Variants in TRIO observed in about 807,000 individuals in gnomAD.
The protein encoded by TRIO is trio Rho guanine nucleotide exchange factor, also known as triple functional domain protein.
A neutral mutation model predicts 351.9 loss-of-function variants in TRIO; 58 were observed. The observed-to-expected ratio is 0.16, with a 90% CI of 0.13 to 0.21. The LOEUF (loss-of-function observed/expected upper bound fraction) is 0.21, where lower values mean the gene tolerates loss of function less well. TRIO is among the 10% of genes least tolerant of loss of function. The pLI, the probability that TRIO is intolerant of heterozygous loss-of-function variation, is 1.00. For missense variants in TRIO, 3,201 were observed against 4,027.8 expected (o/e 0.79, Z 5.56); for synonymous variants, 1,758 against 1,595.7 (o/e 1.10, Z -2.42).
At chr5:14,414,225 G>A (rs1482485611) in intron 33 of TRIO, among the ~76,000 whole-genome samples, 6 of 152,198 alleles carry the variant, frequency 3.9e-5, no homozygotes, top group East Asian at 1.9e-4. Context: ...CCACAGGGCC[G>A]CCTGTGGGGC....
At position 14,366,882 on chromosome 5, in the gene TRIO, G is replaced by A; in HGVS notation, c.2777G>A (p.Gly926Glu). 6.2e-7 allele frequency: 1 copy of A among 1,614,182 alleles called. No homozygotes were observed. Among genetic ancestry groups the A allele is most frequent in the Non-Finnish European group, 8.5e-7 (1 of 1,180,034 alleles). Residue 926 changes from glycine to glutamate, a missense_variant, in exon 16 of 57, where the codon GGA becomes GAA. By Grantham distance (98) the Gly-to-Glu change is moderately conservative. Transcript: ENST00000344204. ...CAGGTGCTGGGTTGGATCCGCAACGGAGAGTCCATGTTAAATGCCGGACTT... is the reference window on the plus strand; with the variant it reads ...CAGGTGCTGGGTTGGATCCGCAACGAAGAGTCCATGTTAAATGCCGGACTT... ...VKQVLGWIRNGESMLNAGLIT... is the reference protein window; with the variant it reads ...VKQVLGWIRNEESMLNAGLIT...
Position 14,481,579 on chromosome 5 carries a change from C to T in TRIO, c.6426C>T (p.Cys2142=). 6.2e-7 allele frequency: 1 copy of T among 1,614,060 alleles called. No homozygotes were observed. The highest frequency in any genetic ancestry group is 2.2e-5 in the East Asian group (1 of 44,872). Residue 2142 remains cysteine, a synonymous_variant, in exon 45 of 57, where the codon TGC becomes TGT. Coordinates refer to ENST00000344204, the MANE Select transcript of TRIO (RefSeq NM_007118.4). ...VEVMCIVPRR[C]NDMMNVGRLQ... Reference sequence around the variant, plus strand: ...TCATGTGCATAGTACCCAGGCGGTGCAACGACATGATGAACGTGGGGCGGC... The same window carrying T: ...TCATGTGCATAGTACCCAGGCGGTGTAACGACATGATGAACGTGGGGCGGC...
Position 14,497,076 on chromosome 5 carries a change from AG to A in TRIO, c.8019+62del. On this transcript the variant is annotated intron_variant, in intron 50 of 56. Coordinates refer to ENST00000344204, the MANE Select transcript of TRIO (RefSeq NM_007118.4). This position sits in a 1 kb window ranked among gnomAD's most constrained non-coding sequence, Gnocchi z 4.4. ...CCCAGCATGAGAGAAAGGATCAGGG[AG>A]GGCAGAGACTCTGCAGACCTGAAGC... 1 of 1,598,574 alleles carries A rather than the reference AG, an allele frequency of 6.3e-7. No homozygotes were observed. The highest frequency in any genetic ancestry group is 8.5e-7 in the Non-Finnish European group (1 of 1,171,594).
Position 14,366,934 on chromosome 5 carries a change from A to G in TRIO, c.2829A>G (p.Ala943=), listed in dbSNP as rs757853440. The G allele has an allele frequency of 8.7e-6, 14 of 1,614,202 alleles. No individual in the cohort carries two copies. In the African/African-American group the frequency reaches 1.9e-4, roughly 22 times the overall value. Residue 943 remains alanine, a synonymous_variant, in exon 16 of 57, where the codon GCA becomes GCG. Coordinates refer to ENST00000344204, the MANE Select transcript of TRIO (RefSeq NM_007118.4). The part of the protein sequence containing the change: ...GLITASSLQE[A]EQLQREHEQF... ...TCACAGCCAGCTCGTTACAAGAGGC[A>G]GAGCAGCTCCAGCGAGAGCACGAGC...
intron 1 of TRIO, among the ~76,000 whole-genome samples, chr5:14,242,860 T>G (rs977127316): frequency 6.6e-6 from 1 of 152,248 alleles, no homozygotes; most frequent in Non-Finnish European, 1.5e-5. Flanking sequence ...CACTCTACTC[T>G]GCATTGTTGG....
At chr5:14,152,557 A>T (rs939662362) in intron 1 of TRIO, among the ~76,000 whole-genome samples, 1 of 152,120 alleles carries the variant, frequency 6.6e-6, no homozygotes, top group African/African-American at 2.4e-5. Context: ...TTTCTAGTAG[A>T]GACGGGGTTT....
chr5:14,290,942 T>C lies in TRIO; in HGVS notation c.767T>C (p.Met256Thr), dbSNP rs764588376. 2.5e-5 allele frequency: 40 copies of C among 1,614,066 alleles called. No homozygotes were observed. Among genetic ancestry groups the C allele is most frequent in the Non-Finnish European group, 3.2e-5 (38 of 1,180,044 alleles). The change falls in exon 5 of 57, where the codon ATG (methionine) becomes ACG (threonine). Residue 256 changes from methionine to threonine, a missense_variant. Physicochemically the swap from Met to Thr is moderately conservative, Grantham distance 81. Coordinates refer to ENST00000344204, the MANE Select transcript of TRIO (RefSeq NM_007118.4). ...LPQDLEGARNMIEEHSQLKKK... is the reference protein window; with the variant it reads ...LPQDLEGARNTIEEHSQLKKK... ...CAGGATTTAGAGGGGGCTCGGAATA[T>C]GATCGAGGAACATTCTCAGCTGAAG...
At chr5:14,436,708 C>A (rs1329852189) in intron 34 of TRIO, among the ~76,000 whole-genome samples, 1 of 152,200 alleles carries the variant, frequency 6.6e-6, no homozygotes, top group Non-Finnish European at 1.5e-5. Context: ...GGGCTACAGA[C>A]CCCATGCAAG....
In TRIO at chr5:14,461,170, C is replaced by G; in HGVS notation, c.5355C>G (p.Ser1785Arg). The part of the protein sequence containing the change: ...KWLTSPVRRL[S>R]SGKADGHVKK... ...TCACCAGCCCCGTGCGGCGGCTCAG[C>G]AGCGGCAAGGCCGACGGGCACGTGA... Residue 1785 changes from serine (S) to arginine (R), a missense_variant, in exon 35 of 57, where the codon AGC becomes AGG. By Grantham distance (110) the Ser-to-Arg change is moderately radical. Around this residue, in one of 19 missense-constraint regions of TRIO, gnomAD observed 193 missense variants for 218.8 expected, o/e 0.88. Coordinates refer to ENST00000344204, the MANE Select transcript of TRIO (RefSeq NM_007118.4). 6.4e-7 allele frequency: 1 copy of G among 1,558,514 alleles called. No homozygotes were observed. The highest frequency in any genetic ancestry group is 8.7e-7 in the Non-Finnish European group (1 of 1,151,906).
At chr5:14,288,228 C>A (rs903445456) in intron 4 of TRIO, among the ~76,000 whole-genome samples, 3 of 152,188 alleles carry the variant, frequency 2.0e-5, no homozygotes, top group African/African-American at 7.2e-5. Flanking sequence ...AAATAATGGT[C>A]TGGCAATACA....
intron 9 of TRIO, among the ~76,000 whole-genome samples, chr5:14,329,422 A>G (rs1182614526): frequency 6.6e-6 from 1 of 152,206 alleles, no homozygotes; most frequent in Middle Eastern, 3.2e-3. Flanking sequence ...GGCCTGAGAG[A>G]GCTTGTTTGC....
At chr5:14,397,371 G>A in intron 29 of TRIO, 6 of 477,984 alleles carry the variant, frequency 1.3e-5, no homozygotes, top group Non-Finnish European at 2.2e-5. Flanking sequence ...CTGGAAAACA[G>A]CCTCTCCACA....
intron 30 of TRIO, among the ~76,000 whole-genome samples, chr5:14,400,630 A>G (rs1056030316): frequency 1.3e-5 from 2 of 152,186 alleles, no homozygotes; most frequent in Admixed American, 6.5e-5. Flanking sequence ...CTCATTTTGC[A>G]GTTTGTTGCT....
chr5:14,213,824 C>A (rs1379148788), intron 1 of TRIO, among the ~76,000 whole-genome samples: 1 of 152,190 alleles, frequency 6.6e-6, no homozygotes, highest in Non-Finnish European at 1.5e-5. Flanking sequence ...TGAAGAGCTT[C>A]TGTCCAGGGA....
chr5:14,234,468 C>T (rs980476377), intron 1 of TRIO, among the ~76,000 whole-genome samples: 5 of 152,126 alleles, frequency 3.3e-5, no homozygotes, highest in African/African-American at 1.2e-4. Flanking sequence ...TGATGTTTGC[C>T]GGAGGTAGCC....
At chr5:14,373,352 A>C (rs1042805828) in intron 18 of TRIO, among the ~76,000 whole-genome samples, 4 of 152,164 alleles carry the variant, frequency 2.6e-5, no homozygotes, top group African/African-American at 9.7e-5. Context: ...AAAGTCTGGA[A>C]ACAGTGACCA....
chr5:14,292,691 C>T (rs192966214), intron 5 of TRIO, among the ~76,000 whole-genome samples: 1 of 152,312 alleles, frequency 6.6e-6, no homozygotes, highest in Non-Finnish European at 1.5e-5. Flanking sequence ...AGTAGTTCAG[C>T]GTGGCAGGGA....
At chr5:14,304,628 A>T in intron 8 of TRIO, 36 bp downstream of exon 8, 1 of 1,592,328 alleles carries the variant, frequency 6.3e-7, no homozygotes, top group Non-Finnish European at 8.5e-7. Context: ...GCAAAGCAGC[A>T]TCATTTTTGC....
chr5:14,329,287 G>A (rs1471187158), intron 9 of TRIO, among the ~76,000 whole-genome samples: 2 of 152,192 alleles, frequency 1.3e-5, no homozygotes, highest in Non-Finnish European at 2.9e-5. Context: ...GATCTGCATC[G>A]TCTGAATGTT....
Sources: gnomAD v4.1 joint callset for allele counts (sites outside exome capture counted in the v4.1 genomes callset) on GRCh38, gnomAD v4.1.1 for gene constraint, gnomAD v4.1.1 regional missense constraint, Gnocchi (gnomAD v3.1) non-coding constraint, MANE v1.5 for transcripts, NCBI Gene and HGNC (gene_info 2026-07-23, HGNC 2026-07-21) for gene names.